Variants in LITAF observed in about 807,000 individuals in gnomAD.
The protein encoded by LITAF is lipopolysaccharide induced TNF factor, also known as lipopolysaccharide-induced tumor necrosis factor-alpha factor.
A neutral mutation model predicts 14.5 loss-of-function variants in LITAF; 9 were observed. The ratio of observed to expected loss-of-function variants is 0.62; its 90% CI spans 0.37 to 1.08. LITAF has a LOEUF of 1.08. Ranked by LOEUF, LITAF falls within the 50% of genes least tolerant of loss-of-function variation. The pLI, the probability that LITAF is intolerant of heterozygous loss-of-function variation, is 0.01. For synonymous variants in LITAF, 98 were observed against 88.2 expected (o/e 1.11, Z -0.62); for missense variants, 206 against 213.4 (o/e 0.97, Z 0.22).
At chr16:11,577,787 C>A (rs1006677680) in intron 1 of LITAF, among the ~76,000 whole-genome samples, 5 of 152,116 alleles carry the variant, frequency 3.3e-5, no homozygotes, top group Admixed American at 6.6e-5. Flanking sequence ...ACCATTGGCA[C>A]CATCATAGCT....
chr16:11,553,259 A>G lies in LITAF; in HGVS notation c.377+274T>C, dbSNP rs1472113690. Among the ~76,000 whole-genome samples, 1 of 152,090 alleles carries G rather than the reference A, an allele frequency of 6.6e-6. No homozygotes were observed. Among genetic ancestry groups the G allele is most frequent in the Admixed American group, 6.5e-5 (1 of 15,272 alleles). ...GATGGTGAAATGCCAGCTCTACTAAAAATAAGCTGGGCGTGGTTGTGCACC... is the reference window on the plus strand; with the variant it reads ...GATGGTGAAATGCCAGCTCTACTAAGAATAAGCTGGGCGTGGTTGTGCACC... On this transcript the variant is annotated intron_variant, in intron 3 of 3. Coordinates refer to ENST00000622633, the MANE Select transcript of LITAF (RefSeq NM_001136472.2). This position sits in a 1 kb window ranked among gnomAD's most constrained non-coding sequence, Gnocchi z 7.7.
At chr16:11,552,566 C>T (rs1299962473) in intron 3 of LITAF, among the ~76,000 whole-genome samples, 1 of 152,122 alleles carries the variant, frequency 6.6e-6, no homozygotes, top group Non-Finnish European at 1.5e-5. Context: ...GAGGATATTG[C>T]CCTGTACACA....
At chr16:11,562,599 A>T (rs1468978944) in intron 1 of LITAF, among the ~76,000 whole-genome samples, 1 of 152,186 alleles carries the variant, frequency 6.6e-6, no homozygotes, top group African/African-American at 2.4e-5. Flanking sequence ...CAATTTGCTC[A>T]ACGAAAGGTA....
intron 3 of LITAF, among the ~76,000 whole-genome samples, chr16:11,620,816 C>T (rs140007484): frequency 7.1e-4 from 108 of 152,344 alleles, no homozygotes; most frequent in Admixed American, 3.5e-3. Context: ...ACAGGTGCAG[C>T]GGGCACTGTC....
intron 1 of LITAF, among the ~76,000 whole-genome samples, chr16:11,577,720 T>C (rs2064664062): frequency 6.6e-6 from 1 of 151,926 alleles, no homozygotes; most frequent in African/African-American, 2.4e-5. Context: ...ACTTTTATTT[T>C]ATTTTCTTTT....
At chr16:11,615,942 G>A (rs919669733) in intron 3 of LITAF, among the ~76,000 whole-genome samples, 1 of 152,192 alleles carries the variant, frequency 6.6e-6, no homozygotes, top group Non-Finnish European at 1.5e-5. Context: ...GGGGAGGGGA[G>A]AGGGACTAGG....
chr16:11,603,248 T>A (rs1303049376), upstream of LITAF, among the ~76,000 whole-genome samples: 1 of 152,246 alleles, frequency 6.6e-6, no homozygotes, highest in Non-Finnish European at 1.5e-5. Context: ...ACAATCAGCG[T>A]GTATTGCTTT....
chr16:11,591,694 G>A (rs934657546), upstream of LITAF, among the ~76,000 whole-genome samples: 3 of 152,014 alleles, frequency 2.0e-5, no homozygotes, highest in Admixed American at 6.5e-5. Context: ...AGGTTGGAGC[G>A]CAGTGGCGTG....
intron 3 of LITAF, among the ~76,000 whole-genome samples, chr16:11,612,335 T>A (rs1010538484): frequency 2.0e-5 from 3 of 152,136 alleles, no homozygotes; most frequent in Non-Finnish European, 4.4e-5. Context: ...ACCGTCCTCA[T>A]CATTCTTGTG....
upstream of LITAF, among the ~76,000 whole-genome samples, chr16:11,602,123 A>C (rs1272241760): frequency 6.6e-6 from 1 of 152,122 alleles, no homozygotes; most frequent in Non-Finnish European, 1.5e-5. Context: ...ACTTTTGGGG[A>C]GGCCGAGGCG....
At chr16:11,572,758 G>A (rs1475739686) in intron 1 of LITAF, among the ~76,000 whole-genome samples, 1 of 152,164 alleles carries the variant, frequency 6.6e-6, no homozygotes, top group Non-Finnish European at 1.5e-5. Context: ...GCACAGAAAA[G>A]CCTTAGTTGG....
upstream of LITAF, among the ~76,000 whole-genome samples, chr16:11,587,951 C>T (rs1218141039): frequency 6.6e-6 from 1 of 152,124 alleles, no homozygotes; most frequent in East Asian, 1.9e-4. Context: ...TAGAACCCTC[C>T]GGTGCCCAAA....
At chr16:11,580,521 G>A (rs2064715778) in intron 1 of LITAF, among the ~76,000 whole-genome samples, 1 of 152,152 alleles carries the variant, frequency 6.6e-6, no homozygotes, top group African/African-American at 2.4e-5. Context: ...CTCCCAAAGT[G>A]CTGGTATTAC....
chr16:11,576,554 A>AAAAAAAATAC (rs1555469756), intron 1 of LITAF, among the ~76,000 whole-genome samples: 1 of 116,642 alleles, frequency 8.6e-6, no homozygotes, highest in Non-Finnish European at 1.7e-5. Flanking sequence ...AAAAAAAAAA[A>AAAAAAAATAC]AGAGAGAGAG....
intron 1 of LITAF, among the ~76,000 whole-genome samples, chr16:11,572,568 T>C (rs1195104145): frequency 6.6e-6 from 1 of 152,104 alleles, no homozygotes; most frequent in Non-Finnish European, 1.5e-5. Flanking sequence ...GAAGGGCCTC[T>C]GTGGCCTTCC....
chr16:11,605,976 C>T lies in LITAF; in HGVS notation c.85+27557G>A, dbSNP rs769212252. 6.6e-6 allele frequency among the ~76,000 whole-genome samples: 1 copy of T among 152,126 alleles called. No individual in the cohort carries two copies. The highest frequency in any genetic ancestry group is 1.5e-5 in the Non-Finnish European group (1 of 68,012). ...CCCCCATTCTTCCTTCAAAGTGTTG[C>T]ACACACAGGATATGTGATCATTGAT... On this transcript the variant is annotated intron_variant, in intron 3 of 3. Coordinates refer to the LITAF transcript ENST00000574848. The surrounding 1 kb of genome is among the most constrained non-coding windows in gnomAD (Gnocchi z 4.7).
chr16:11,638,121 G>GATAGATATAT (rs1555475749), upstream of LITAF, among the ~76,000 whole-genome samples: 4 of 120,456 alleles, frequency 3.3e-5, no homozygotes, highest in Admixed American at 2.5e-4. Flanking sequence ...TATCTATATA[G>GATAGATATAT]ATAGATAGAT....
At position 11,632,118 on chromosome 16, in the gene LITAF, C is replaced by A. The variant is rs1267048507; in HGVS notation, c.85+1415G>T. On this transcript the variant is annotated intron_variant, in intron 3 of 3. Transcript: ENST00000574848. This position sits in a 1 kb window ranked among gnomAD's most constrained non-coding sequence, Gnocchi z 4.8. Reference sequence around the variant, plus strand: ...TCCTGACCTCGTGATCCACCCGCCTCGGCCTCCCAAAGTGCTGGGATTACA... The same window carrying A: ...TCCTGACCTCGTGATCCACCCGCCTAGGCCTCCCAAAGTGCTGGGATTACA... 6.6e-6 allele frequency among the ~76,000 whole-genome samples: 1 copy of A among 152,118 alleles called. No homozygotes were observed. The highest frequency in any genetic ancestry group is 1.5e-5 in the Non-Finnish European group (1 of 68,016).
Position 11,548,845 on chromosome 16 carries a change from G to C in LITAF, c.*792C>G. The C allele has an allele frequency of 2.2e-6, 1 of 453,452 alleles. No individual in the cohort carries two copies. The highest frequency in any genetic ancestry group is 4.4e-6 in the Non-Finnish European group (1 of 226,704). The allele number at this position is 453,452 out of a possible 1,614,324, so 28.1% of individuals were successfully genotyped here. On this transcript the variant is annotated 3_prime_UTR_variant, in exon 4 of 4. Coordinates refer to ENST00000622633, the MANE Select transcript of LITAF (RefSeq NM_001136472.2). ...TAAAAAAAAGAAATTCTGTTCAAAA[G>C]TATTTCAGACCAAAAGGAGGTCATA... is the stretch of plus-strand genomic sequence containing the variant.
Sources: allele counts gnomAD v4.1 joint callset (sites outside exome capture counted in the v4.1 genomes callset), GRCh38; gene constraint gnomAD v4.1.1; non-coding constraint Gnocchi (gnomAD v3.1); transcripts MANE v1.5; gene names NCBI Gene and HGNC (gene_info 2026-07-23, HGNC 2026-07-21).